The following RERE variants were observed in gnomAD, a reference collection of about 807,000 sequenced individuals.
The protein encoded by RERE is arginine-glutamic acid dipeptide repeats.
Under a neutral mutation model 146.1 loss-of-function variants are expected in RERE, and 40 were observed. That is an observed-to-expected ratio of 0.27 (90% CI 0.21 to 0.36). The LOEUF (loss-of-function observed/expected upper bound fraction) is 0.36. RERE is among the 10% of genes least tolerant of loss of function. The pLI, the probability that RERE is intolerant of heterozygous loss-of-function variation, is 1.00. For missense variants in RERE, 1,933 were observed against 2,138.7 expected (o/e 0.90, Z 1.90); for synonymous variants, 1,003 against 866.0 (o/e 1.16, Z -2.78).
Position 8,465,998 on chromosome 1 carries a change from C to A in RERE, c.1130G>T (p.Gly377Val), listed in dbSNP as rs1408878401. 1 of 1,611,934 alleles carries A rather than the reference C, an allele frequency of 6.2e-7. No individual in the cohort carries two copies. Among genetic ancestry groups the A allele is most frequent in the East Asian group, 2.2e-5 (1 of 44,808 alleles). The change falls in exon 11 of 23, where the codon GGC becomes GTC. Residue 377 changes from glycine to valine, a missense_variant. By Grantham distance (109) the Gly-to-Val change is moderately radical. This residue lies in a region of RERE where 260 missense variants were observed against 378.4 expected (regional missense o/e 0.69). Transcript: ENST00000400908. ...NTLHESGYDA[G>V]KALQRLVKKP... ...CTTCACCAGGCGCTGCAGGGCTTTG[C>A]CAGCATCGTAACCGCTTTCATGCAG...
intron 2 of RERE, among the ~76,000 whole-genome samples, chr1:8,642,561 G>T (rs753218140): frequency 1.5e-4 from 23 of 152,104 alleles, no homozygotes; most frequent in Non-Finnish European, 2.5e-4. Context: ...TATTAAATTA[G>T]TAAAGGCAAG....
At chr1:8,732,638 G>A (rs1640108732) in intron 1 of RERE, among the ~76,000 whole-genome samples, 1 of 151,960 alleles carries the variant, frequency 6.6e-6, no homozygotes, top group Non-Finnish European at 1.5e-5. Context: ...CACAAAGAGT[G>A]AATCTTAAAC....
intron 1 of RERE, among the ~76,000 whole-genome samples, chr1:8,790,868 G>A (rs1264481463): frequency 6.6e-6 from 1 of 152,222 alleles, no homozygotes; most frequent in African/African-American, 2.4e-5. Flanking sequence ...TTACAGGCAT[G>A]AGCCACCGCA....
In RERE at chr1:8,423,466, C is replaced by T; in HGVS notation, c.1204-659G>A. The T allele has an allele frequency of 1.1e-6, 1 of 893,178 alleles. No homozygotes were observed. The highest frequency in any genetic ancestry group is 1.8e-5 in the African/African-American group (1 of 55,600). The allele number at this position is 893,178 out of a possible 1,614,324, so 55.3% of individuals were successfully genotyped here. On this transcript the variant is annotated intron_variant, in intron 11 of 22. Coordinates refer to ENST00000400908, the MANE Select transcript of RERE (RefSeq NM_001042681.2). This position sits in a 1 kb window ranked among gnomAD's most constrained non-coding sequence, Gnocchi z 5.4. ...CCATCCATTTTCGCAGCAGACTCGT[C>T]CCTAACCCCAGCCCGGAGACTTTCA...
intron 22 of RERE, 85 bp downstream of exon 22, chr1:8,355,334 G>T: frequency 7.0e-7 from 1 of 1,438,172 alleles, no homozygotes; most frequent in Non-Finnish European, 9.6e-7. Flanking sequence ...AGGCAGAGGG[G>T]GAGGAGCCTG....
At chr1:8,484,448 T>C (rs1332963004) in intron 10 of RERE, among the ~76,000 whole-genome samples, 1 of 149,430 alleles carries the variant, frequency 6.7e-6, no homozygotes, top group Non-Finnish European at 1.5e-5. Context: ...TTTTTTGAGA[T>C]GGAGTCTCGC....
intron 1 of RERE, among the ~76,000 whole-genome samples, chr1:8,675,516 A>G (rs1638815500): frequency 7.5e-6 from 1 of 133,888 alleles, no homozygotes; most frequent in Non-Finnish European, 1.6e-5. Flanking sequence ...AAAAAAAAAA[A>G]TACAAAAATT....
At chr1:8,591,663 T>C (rs1185455015) in intron 4 of RERE, among the ~76,000 whole-genome samples, 1 of 152,196 alleles carries the variant, frequency 6.6e-6, no homozygotes, top group Non-Finnish European at 1.5e-5. Flanking sequence ...TACTAGTTTC[T>C]ACACCTAGAA....
intron 11 of RERE, among the ~76,000 whole-genome samples, chr1:8,460,083 C>T (rs983844351): frequency 6.6e-6 from 1 of 152,214 alleles, no homozygotes; most frequent in African/African-American, 2.4e-5. Context: ...CCTCCACAAC[C>T]TCCTGCTGCT....
rs896297786 is a variant in RERE, at chr1:8,601,853, C to T, written c.522+12708G>A. Among the ~76,000 whole-genome samples, 13 of 152,046 alleles carry T rather than the reference C, an allele frequency of 8.6e-5. No homozygotes were observed. The South Asian group carries it at 2.7e-3, about 32-fold the overall frequency. ...ACAGCTGCCTTTTTAGGTCCTTCTG[C>T]CTTTCCATCCAAACTATCCATCGTT... On this transcript the variant is annotated intron_variant, in intron 4 of 22. Coordinates refer to ENST00000400908, the MANE Select transcript of RERE (RefSeq NM_001042681.2).
intron 12 of RERE, among the ~76,000 whole-genome samples, chr1:8,418,436 T>C (rs1643836519): frequency 6.6e-6 from 1 of 152,112 alleles, no homozygotes; most frequent in Non-Finnish European, 1.5e-5. Flanking sequence ...CAAGCTGGGG[T>C]AGATCACATT....
chr1:8,660,055 T>C (rs948428267), intron 1 of RERE, among the ~76,000 whole-genome samples: 1 of 151,838 alleles, frequency 6.6e-6, no homozygotes, highest in Non-Finnish European at 1.5e-5. Context: ...GTTATATTAA[T>C]ATATTAAATT....
chr1:8,416,318 G>A (rs1043149564), intron 12 of RERE, among the ~76,000 whole-genome samples: 6 of 152,154 alleles, frequency 3.9e-5, no homozygotes, highest in Non-Finnish European at 8.8e-5. Flanking sequence ...AGGCGCGGTG[G>A]CTCACACCTG....
chr1:8,670,098 CTA>C (rs1295607608), intron 1 of RERE, among the ~76,000 whole-genome samples: 3 of 152,334 alleles, frequency 2.0e-5, no homozygotes, highest in Admixed American at 1.3e-4. Context: ...TTGCTGTTTT[CTA>C]TGTCTGAGCC....
chr1:8,436,856 A>G (rs1395411569), intron 11 of RERE, among the ~76,000 whole-genome samples: 16 of 152,128 alleles, frequency 1.1e-4, no homozygotes, highest in Admixed American at 1.0e-3. Flanking sequence ...CTGACCGTGC[A>G]TCTACACTTG....
At chr1:8,429,270 T>G (rs1226830332) in intron 11 of RERE, among the ~76,000 whole-genome samples, 1 of 152,024 alleles carries the variant, frequency 6.6e-6, no homozygotes, top group Non-Finnish European at 1.5e-5. Flanking sequence ...GGGGGACCAG[T>G]GTAAAAAATT....
chr1:8,633,374 A>G (rs539763662), intron 2 of RERE, among the ~76,000 whole-genome samples: 3 of 147,492 alleles, frequency 2.0e-5, no homozygotes, highest in Admixed American at 1.3e-4. Context: ...AGTGAGCTAT[A>G]ATAGCACCAC....
chr1:8,611,138 T>A (rs1438045371), intron 4 of RERE, among the ~76,000 whole-genome samples: 1 of 151,876 alleles, frequency 6.6e-6, no homozygotes, highest in South Asian at 2.1e-4. Flanking sequence ...GAGGTTGCAG[T>A]GAGCTGAGAT....
At chr1:8,520,956 A>C (rs6656249) in intron 7 of RERE, among the ~76,000 whole-genome samples, 27,000 of 151,686 alleles carry the variant, frequency 0.18, 2,581 homozygotes, top group Middle Eastern at 0.29. Context: ...AACACGTCTA[A>C]AGGTTTCTTT....
Sources: gnomAD v4.1 joint callset for allele counts (sites outside exome capture counted in the v4.1 genomes callset) on GRCh38, gnomAD v4.1.1 for gene constraint, gnomAD v4.1.1 regional missense constraint, Gnocchi (gnomAD v3.1) non-coding constraint, MANE v1.5 for transcripts, NCBI Gene and HGNC (gene_info 2026-07-23, HGNC 2026-07-21) for gene names.